Variants in FGD6 observed in about 807,000 individuals in gnomAD.
The protein encoded by FGD6 is FYVE, RhoGEF and PH domain containing 6.
A neutral mutation model predicts 149.4 loss-of-function variants in FGD6; 90 were observed. That is an observed-to-expected ratio of 0.60 (90% CI 0.51 to 0.72). The LOEUF (loss-of-function observed/expected upper bound fraction) is 0.72, where lower values mean the gene tolerates loss of function less well. Ranked by LOEUF, FGD6 falls within the 30% of genes least tolerant of loss-of-function variation. The pLI, the probability that FGD6 is intolerant of heterozygous loss-of-function variation, is 0.00. For missense variants in FGD6, 1,437 were observed against 1,684.8 expected (o/e 0.85, Z 2.57); for synonymous variants, 527 against 584.0 (o/e 0.90, Z 1.41).
chr12:95,214,880 TGAG>T (rs2056746288), intron 1 of FGD6, among the ~76,000 whole-genome samples: 1 of 146,438 alleles, frequency 6.8e-6, no homozygotes, highest in African/African-American at 2.5e-5. Flanking sequence ...TTTTTTTTTT[TGAG>T]ATGGAGTCTT....
chr12:95,186,722 C>T (rs1881447779), intron 2 of FGD6, among the ~76,000 whole-genome samples: 1 of 152,100 alleles, frequency 6.6e-6, no homozygotes, highest in Non-Finnish European at 1.5e-5. Flanking sequence ...TGGCCCTTTA[C>T]GGAAAACGTT....
chr12:95,141,462 G>C lies in FGD6; in HGVS notation c.2763C>G (p.Ile921Met), dbSNP rs748381902. 21 of 1,614,008 alleles carry C rather than the reference G, an allele frequency of 1.3e-5. No individual in the cohort carries two copies. The highest frequency in any genetic ancestry group is 1.8e-5 in the Non-Finnish European group (21 of 1,180,016). Residue 921 changes from isoleucine (I) to methionine (M), a missense_variant, in exon 6 of 21, where the codon ATC becomes ATG. Ile to Met is a conservative substitution (Grantham distance 10). Transcript: ENST00000343958. ...CATACAGCTGAGGCAAGTAGTATAG[G>C]ATCTGATTTAGAATCCGGTCCTCAA... ...PVIEDRILNQ[I>M]LYYLPQLYEL... is the part of the protein sequence containing the mutation.
At chr12:95,094,249 T>C (rs1307017069) in intron 15 of FGD6, among the ~76,000 whole-genome samples, 1 of 152,068 alleles carries the variant, frequency 6.6e-6, no homozygotes, top group African/African-American at 2.4e-5. Context: ...AATCTAAAAA[T>C]TTTCTAATAC....
Position 95,097,634 on chromosome 12 carries a change from C to CAAAAA in FGD6, c.3498-2945_3498-2941dup, listed in dbSNP as rs34057454. Among the ~76,000 whole-genome samples the CAAAAA allele has an allele frequency of 3.3e-3, 142 of 43,316 alleles. 8 individuals are homozygous for CAAAAA. Among genetic ancestry groups the CAAAAA allele is most frequent in the Middle Eastern group, 0.014 (1 of 70 alleles). The allele number at this position is 43,316 out of a possible 152,430, so 28.4% of individuals were successfully genotyped here. ...CTGGGCAACAAGTGAGACTCTGTCT[C>CAAAAA]AAAAAAAAAAAAAAAAAAAAAAAAA... On this transcript the variant is annotated intron_variant, in intron 14 of 20. Coordinates refer to ENST00000343958, the MANE Select transcript of FGD6 (RefSeq NM_018351.4).
intron 9 of FGD6, among the ~76,000 whole-genome samples, chr12:95,112,227 C>G (rs150036190): frequency 7.7e-6 from 1 of 130,438 alleles, no homozygotes; most frequent in Admixed American, 8.4e-5. Context: ...AAGTAAGACT[C>G]TGTCTCAAAA....
chr12:95,160,305 T>C (rs1410566665), intron 3 of FGD6, among the ~76,000 whole-genome samples: 3 of 152,028 alleles, frequency 2.0e-5, no homozygotes, highest in Non-Finnish European at 4.4e-5. Flanking sequence ...TAGGGAAATG[T>C]AAATTAAAAC....
chr12:95,140,819 A>C (rs1447616298), intron 6 of FGD6, among the ~76,000 whole-genome samples: 1 of 152,198 alleles, frequency 6.6e-6, no homozygotes, highest in Non-Finnish European at 1.5e-5. Flanking sequence ...AAGTTCACCT[A>C]TAGAAATTTA....
At chr12:95,148,651 T>C (rs1179555389) in intron 5 of FGD6, among the ~76,000 whole-genome samples, 2 of 116,742 alleles carry the variant, frequency 1.7e-5, no homozygotes, top group African/African-American at 6.9e-5. Context: ...TTATATATAT[T>C]ATATATTATA....
chr12:95,090,951 A>T (rs899804087), intron 17 of FGD6, among the ~76,000 whole-genome samples: 11 of 151,996 alleles, frequency 7.2e-5, no homozygotes, highest in Non-Finnish European at 1.2e-4. Context: ...AAAATACAAA[A>T]ATTAGCCTGG....
rs538470893 is a variant in FGD6, at chr12:95,137,365, A to G, written c.2994+157T>C. ...AAGTCATGTACATTCTTGAGTTCTC[A>G]CCATTTAAATTGTTCAATTCCATCT... is the stretch of plus-strand genomic sequence containing the variant. On this transcript the variant is annotated intron_variant, in intron 7 of 20. Transcript: ENST00000343958. 4.6e-5 allele frequency among the ~76,000 whole-genome samples: 7 copies of G among 152,292 alleles called. No homozygotes were observed. In the East Asian group the frequency reaches 1.3e-3, roughly 29 times the overall value.
At position 95,114,837 on chromosome 12, in the gene FGD6, TC is replaced by T. The variant is rs1878959067; in HGVS notation, c.3083-1137del. On this transcript the variant is annotated intron_variant, in intron 8 of 20. Coordinates refer to ENST00000343958, the MANE Select transcript of FGD6 (RefSeq NM_018351.4). ...GCTACATGGTCCCTATCAATTTTTC[TC>T]TCTCTCTTGCTACTGCCTAAAATGG... is the stretch of plus-strand genomic sequence containing the variant. Among the ~76,000 whole-genome samples the T allele has an allele frequency of 2.0e-5, 3 of 152,092 alleles. No individual in the cohort carries two copies. In the South Asian group the frequency reaches 6.2e-4, roughly 32 times the overall value.
At chr12:95,171,589 C>T (rs948362924) in intron 3 of FGD6, among the ~76,000 whole-genome samples, 2 of 152,178 alleles carry the variant, frequency 1.3e-5, no homozygotes, top group Admixed American at 6.5e-5. Context: ...GATCTCGGCT[C>T]ACTGCAAGCT....
In FGD6 at chr12:95,111,277, G is replaced by A. The variant is rs577775860; in HGVS notation, c.3133+2374C>T. On this transcript the variant is annotated intron_variant, in intron 9 of 20. Coordinates refer to ENST00000343958, the MANE Select transcript of FGD6 (RefSeq NM_018351.4). ...ATTATAGGCATGAGCCACCACGCCC[G>A]GCCACTGCTCACCATATGATTGCTG... Among the ~76,000 whole-genome samples, 219 of 152,198 alleles carry A rather than the reference G, an allele frequency of 1.4e-3. 1 individual carries two copies. Among genetic ancestry groups the A allele is most frequent in the African/African-American group, 4.9e-3 (202 of 41,516 alleles).
chr12:95,107,101 C>A, intron 12 of FGD6, 64 bp from the exon 13 acceptor site: 1 of 1,152,594 alleles, frequency 8.7e-7, no homozygotes, highest in South Asian at 1.3e-5. Context: ...AAGATTTTGA[C>A]AAGATACAAG....
intron 2 of FGD6, among the ~76,000 whole-genome samples, chr12:95,207,138 C>A (rs2056696844): frequency 6.6e-6 from 1 of 151,910 alleles, no homozygotes; most frequent in South Asian, 2.1e-4. Context: ...CGGTTTTCCC[C>A]CAAGCTGCTG....
At chr12:95,212,803 G>GT (rs919485332) in intron 1 of FGD6, among the ~76,000 whole-genome samples, 14 of 152,020 alleles carry the variant, frequency 9.2e-5, no homozygotes, top group African/African-American at 4.8e-5. Flanking sequence ...ACGGAACTGA[G>GT]TTTTTTTAAA....
intron 5 of FGD6, among the ~76,000 whole-genome samples, chr12:95,150,033 C>CACACACAT (rs1555220380): frequency 8.4e-6 from 1 of 119,430 alleles, no homozygotes; most frequent in Non-Finnish European, 1.8e-5. Flanking sequence ...CACACACACA[C>CACACACAT]TTTTTTTTTT....
At chr12:95,113,043 C>T (rs1177378126) in intron 9 of FGD6, among the ~76,000 whole-genome samples, 1 of 152,072 alleles carries the variant, frequency 6.6e-6, no homozygotes, top group Admixed American at 6.6e-5. Context: ...TGACTGAGCA[C>T]AGGAGGGCAA....
chr12:95,150,480 G>T lies in FGD6; in HGVS notation c.2685+2331C>A, dbSNP rs190347687. ...TATATCAGATGTCTACGGTGTGGTG[G>T]GGATGTTCAGGGCAGAGCAGCAAAT... On this transcript the variant is annotated intron_variant, in intron 5 of 20. Transcript: ENST00000343958. Among the ~76,000 whole-genome samples the T allele has an allele frequency of 1.4e-4, 21 of 152,136 alleles. No individual in the cohort carries two copies. The East Asian group carries it at 1.5e-3, about 11-fold the overall frequency.
Sources: allele counts gnomAD v4.1 joint callset (sites outside exome capture counted in the v4.1 genomes callset), GRCh38; gene constraint gnomAD v4.1.1; transcripts MANE v1.5; gene names NCBI Gene and HGNC (gene_info 2026-07-23, HGNC 2026-07-21).